Variants in REDIC1 observed in about 807,000 individuals in gnomAD.
REDIC1 encodes regulator of DNA class I crossover intermediates 1, also known as HEI10 Interacting Protein 1.
At chr12:39,748,833 G>A in the REDIC1 span, among the ~76,000 whole-genome samples, 1 of 152,126 alleles carries the variant, frequency 6.6e-6, no homozygotes, top group East Asian at 1.9e-4. Context: ...GGTACATAAT[G>A]AAATGAAGGC....
chr12:39,826,629 T>A, the REDIC1 span, among the ~76,000 whole-genome samples: 1 of 151,410 alleles, frequency 6.6e-6, no homozygotes, highest in South Asian at 2.1e-4. Context: ...AGAAAAATTT[T>A]AAAAACTCAT....
chr12:39,685,663 C>A, the REDIC1 span, among the ~76,000 whole-genome samples: 18 of 152,124 alleles, frequency 1.2e-4, no homozygotes, highest in African/African-American at 4.1e-4. Context: ...CATGTCCTTC[C>A]CATATTGCAA....
chr12:39,868,443 T>A, the REDIC1 span, among the ~76,000 whole-genome samples: 2 of 152,234 alleles, frequency 1.3e-5, no homozygotes, highest in African/African-American at 4.8e-5. Flanking sequence ...AGAGCAGTAG[T>A]TCTCACACTT....
chr12:39,706,352 A>G, the REDIC1 span, among the ~76,000 whole-genome samples: 2,258 of 152,136 alleles, frequency 0.015, 56 homozygotes, highest in African/African-American at 0.049. Flanking sequence ...ATGGATTAGA[A>G]GAATCAATAT....
At chr12:39,779,902 A>C in the REDIC1 span, among the ~76,000 whole-genome samples, 20,380 of 152,294 alleles carry the variant, frequency 0.13, 1,643 homozygotes, top group East Asian at 0.39. Context: ...GTGCCTGAGA[A>C]TGAATGCAAG....
the REDIC1 span, among the ~76,000 whole-genome samples, chr12:39,765,783 A>G: frequency 1.3e-5 from 2 of 152,050 alleles, no homozygotes; most frequent in Non-Finnish European, 2.9e-5. Context: ...TTTGTTACAT[A>G]GGTAAATGCG....
At chr12:39,739,755 G>C in the REDIC1 span, among the ~76,000 whole-genome samples, 1 of 151,992 alleles carries the variant, frequency 6.6e-6, no homozygotes, top group Admixed American at 6.6e-5. Context: ...TTCACATCTC[G>C]TAAAATATGA....
At chr12:39,714,154 C>CGTATGTATACGTGTATATGTATATATGT in the REDIC1 span, among the ~76,000 whole-genome samples, 1 of 131,488 alleles carries the variant, frequency 7.6e-6, no homozygotes, top group Non-Finnish European at 1.7e-5. Flanking sequence ...TATGTATATA[C>CGTATGTATACGTGTATATGTATATATGT]ATGCATATAT....
the REDIC1 span, among the ~76,000 whole-genome samples, chr12:39,762,050 G>A: frequency 1.3e-5 from 2 of 151,982 alleles, no homozygotes; most frequent in Admixed American, 6.6e-5. Flanking sequence ...TAATATCAAG[G>A]AATTGCTATT....
the REDIC1 span, among the ~76,000 whole-genome samples, chr12:39,802,773 G>A: frequency 0.97 from 148,408 of 152,292 alleles, 72,304 homozygotes; most frequent in East Asian, 0.99. Context: ...ATATATAGAT[G>A]TAGATATGGA....
the REDIC1 span, among the ~76,000 whole-genome samples, chr12:39,834,409 T>C: frequency 6.1e-3 from 934 of 152,174 alleles, 11 homozygotes; most frequent in African/African-American, 0.021. Flanking sequence ...GACCAAACTT[T>C]TAATTTCATT....
the REDIC1 span, among the ~76,000 whole-genome samples, chr12:39,680,062 A>T: frequency 6.6e-6 from 1 of 152,236 alleles, no homozygotes; most frequent in African/African-American, 2.4e-5. Flanking sequence ...ACTCTTCTAG[A>T]CATTGGCTTA....
At chr12:39,885,893 G>C in the REDIC1 span, among the ~76,000 whole-genome samples, 5 of 152,014 alleles carry the variant, frequency 3.3e-5, no homozygotes, top group Admixed American at 6.6e-5. Flanking sequence ...TAACGTATTT[G>C]GTTCAACAAC....
chr12:39,871,440 A>C, the REDIC1 span, among the ~76,000 whole-genome samples: 6 of 152,138 alleles, frequency 3.9e-5, no homozygotes, highest in African/African-American at 1.4e-4. Flanking sequence ...TATGTTAAAA[A>C]GTGAGTTTCT....
the REDIC1 span, among the ~76,000 whole-genome samples, chr12:39,851,564 G>A: frequency 2.0e-3 from 310 of 152,260 alleles, no homozygotes; most frequent in Non-Finnish European, 3.7e-3. Flanking sequence ...TAAAATTACT[G>A]AAGGAGCAAC....
chr12:39,714,075 G>GTA, the REDIC1 span, among the ~76,000 whole-genome samples: 1 of 7,884 alleles, frequency 1.3e-4, no homozygotes, highest in African/African-American at 2.1e-4. Context: ...GTATATACGT[G>GTA]TATATACACA....
the REDIC1 span, chr12:39,745,730 A>G: frequency 6.6e-6 from 1 of 152,258 alleles, no homozygotes; most frequent in African/African-American, 2.4e-5. Flanking sequence ...ATACACATGC[A>G]TTCATATCCT....
At chr12:39,885,668 G>T in the REDIC1 span, among the ~76,000 whole-genome samples, 2 of 152,106 alleles carry the variant, frequency 1.3e-5, no homozygotes, top group Non-Finnish European at 2.9e-5. Context: ...CTCCTCTGAG[G>T]AATTAATTCT....
At chr12:39,880,915 C>T in the REDIC1 span, among the ~76,000 whole-genome samples, 8 of 152,190 alleles carry the variant, frequency 5.3e-5, no homozygotes, top group Admixed American at 5.2e-4. Flanking sequence ...CCTATTAATT[C>T]GTTCTATAAA....
Sources: gnomAD v4.1 joint callset for allele counts (sites outside exome capture counted in the v4.1 genomes callset) on GRCh38, gnomAD v4.1.1 for gene constraint, MANE v1.5 for transcripts, NCBI Gene and HGNC (gene_info 2026-07-23, HGNC 2026-07-21) for gene names.